ATP2A2: variants seen among roughly 807,000 people sequenced by gnomAD.
The protein encoded by ATP2A2 is sarcoplasmic/endoplasmic reticulum calcium ATPase 2.
Under a neutral mutation model 109.3 loss-of-function variants are expected in ATP2A2, and 14 were observed. The ratio of observed to expected loss-of-function variants is 0.13; its 90% CI spans 0.08 to 0.20. ATP2A2 has a LOEUF of 0.20. ATP2A2 is among the 10% of genes least tolerant of loss of function. ATP2A2 has a pLI of 1.00. For synonymous variants in ATP2A2, 506 were observed against 490.9 expected (o/e 1.03, Z -0.41); for missense variants, 657 against 1,321.6 (o/e 0.50, Z 7.80).
At position 110,332,774 on chromosome 12, in the gene ATP2A2, C is replaced by G. The variant is rs1417893155; in HGVS notation, c.1184+89C>G. The G allele has an allele frequency of 1.5e-5, 18 of 1,188,762 alleles. No individual in the cohort carries two copies. In the South Asian group the frequency reaches 1.8e-4, roughly 12 times the overall value. The allele number at this position is 1,188,762 out of a possible 1,614,324, so 73.6% of individuals were successfully genotyped here. On this transcript the variant is annotated intron_variant, in intron 9 of 19. Coordinates refer to ENST00000539276, the MANE Select transcript of ATP2A2 (RefSeq NM_170665.4). ...CAGCATGTCTACAAAGTTAAGACAG[C>G]TTTCTGAATGTGGCTCAAGTCAACA...
chr12:110,294,451 G>A (rs1873741414), intron 4 of ATP2A2, among the ~76,000 whole-genome samples: 2 of 152,140 alleles, frequency 1.3e-5, no homozygotes, highest in African/African-American at 2.4e-5. Flanking sequence ...GTTAAGGTCA[G>A]GAGGTCGAGA....
chr12:110,344,787 G>C (rs1879684292), intron 16 of ATP2A2, 99 bp from the exon 17 acceptor site: 1 of 1,189,098 alleles, frequency 8.4e-7, no homozygotes, highest in Admixed American at 1.7e-5. Flanking sequence ...ACTGTCCCAT[G>C]TCTTTGATCT....
Position 110,347,546 on chromosome 12 carries a change from G to A in ATP2A2, c.*1076G>A. 7.8e-7 allele frequency: 1 copy of A among 1,287,458 alleles called. No homozygotes were observed. The highest frequency in any genetic ancestry group is 1.0e-6 in the Non-Finnish European group (1 of 987,428). The allele number at this position is 1,287,458 out of a possible 1,614,324, so 79.8% of individuals were successfully genotyped here. On this transcript the variant is annotated 3_prime_UTR_variant, in exon 20 of 20. Coordinates refer to ENST00000539276, the MANE Select transcript of ATP2A2 (RefSeq NM_170665.4). ...TGCAAGTTTCTGCTGGCCTGGTATA[G>A]AGAACATAAGGGCAAGTGTGTATGT...
intron 5 of ATP2A2, among the ~76,000 whole-genome samples, chr12:110,315,003 A>G (rs1876511181): frequency 6.6e-6 from 1 of 151,802 alleles, no homozygotes; most frequent in Non-Finnish European, 1.5e-5. Context: ...AGTAGCTGGG[A>G]CCACAGGCAC....
intron 3 of ATP2A2, among the ~76,000 whole-genome samples, chr12:110,283,108 T>C (rs1419851490): frequency 6.6e-6 from 1 of 152,242 alleles, no homozygotes; most frequent in Non-Finnish European, 1.5e-5. Context: ...CTTTAATGTT[T>C]TGGGTTCTTC....
rs1442705626 is a variant in ATP2A2 at position 110,349,939 on chromosome 12, C to CCAT, written c.*3472_*3474dup. ...GTGCTGCTACTGGCTGCTCACTTCT[C>CCAT]CATCAACCTCACCCTCTGCACCACT... On this transcript the variant is annotated 3_prime_UTR_variant, in exon 20 of 20. Transcript: ENST00000539276. 1.4e-5 allele frequency: 16 copies of CCAT among 1,179,762 alleles called. 1 individual carries two copies. Among genetic ancestry groups the CCAT allele is most frequent in the Non-Finnish European group, 1.4e-5 (13 of 946,008 alleles). The allele number at this position is 1,179,762 out of a possible 1,614,324, so 73.1% of individuals were successfully genotyped here. A position where few individuals can be genotyped will look rare whatever the true frequency, so the allele number is the denominator to read the frequency against.
At chr12:110,303,968 C>T (rs1874969375) in intron 5 of ATP2A2, among the ~76,000 whole-genome samples, 1 of 152,202 alleles carries the variant, frequency 6.6e-6, no homozygotes, top group African/African-American at 2.4e-5. Context: ...AAAACCCATA[C>T]CCATTAGCAG....
At chr12:110,316,997 T>A (rs888209258) in intron 5 of ATP2A2, among the ~76,000 whole-genome samples, 1 of 152,114 alleles carries the variant, frequency 6.6e-6, no homozygotes, top group South Asian at 2.1e-4. Context: ...AGAAACAGAT[T>A]GGGAGCAAAC....
rs1223533620 is a variant in ATP2A2, at chr12:110,334,017, G to C, written c.1293G>C (p.Lys431Asn). The C allele has an allele frequency of 6.2e-7, 1 of 1,614,132 alleles. No individual in the cohort carries two copies. Among genetic ancestry groups the C allele is most frequent in the Non-Finnish European group, 8.5e-7 (1 of 1,180,026 alleles). The change falls in exon 11 of 20, where the codon AAG (lysine) becomes AAC (asparagine). Residue 431 changes from lysine (K) to asparagine (N), a missense_variant. Transcript: ENST00000539276. ...TGTGCCTTTAACCAATACAGGCAAA[G>C]GGTGTGTATGAAAAAGTTGGAGAAG... ...NDSALDYNEAKGVYEKVGEAT... is the reference protein window; with the variant it reads ...NDSALDYNEANGVYEKVGEAT...
Position 110,347,185 on chromosome 12 carries a change from TCA to T in ATP2A2, c.*718_*719del. On this transcript the variant is annotated 3_prime_UTR_variant, in exon 20 of 20. Coordinates refer to ENST00000539276, the MANE Select transcript of ATP2A2 (RefSeq NM_170665.4). ...TTCAATCGACTGGGTTTATGTCCCT[TCA>T]CATAGTTTTTAAGGTTATTTATTTA... 3.4e-6 allele frequency: 4 copies of T among 1,192,274 alleles called. No homozygotes were observed. Among genetic ancestry groups the T allele is most frequent in the Non-Finnish European group, 4.2e-6 (4 of 944,638 alleles). 73.9% of individuals were successfully genotyped at this position (1,192,274 alleles called of 1,614,324 possible).
chr12:110,334,337 C>T, intron 11 of ATP2A2, 194 bp downstream of exon 11: 1 of 739,056 alleles, frequency 1.4e-6, no homozygotes, highest in Non-Finnish European at 2.2e-6. Flanking sequence ...TAAAAGCAAT[C>T]AATAGCTAAT....
chr12:110,347,255 C>CA lies in ATP2A2; in HGVS notation c.*786dup, dbSNP rs1371122686. ...ATTGTAACAGACATTGTTTTGCCAA[C>CA]ATTGCCTATTTCAGTGGCACGTCAT... On this transcript the variant is annotated 3_prime_UTR_variant, in exon 20 of 20. Coordinates refer to ENST00000539276, the MANE Select transcript of ATP2A2 (RefSeq NM_170665.4). The CA allele has an allele frequency of 2.1e-5, 26 of 1,227,876 alleles. No homozygotes were observed. The highest frequency in any genetic ancestry group is 3.1e-5 in the African/African-American group (2 of 63,712). 76.1% of individuals were successfully genotyped at this position (1,227,876 alleles called of 1,614,324 possible). A position where few individuals can be genotyped will look rare whatever the true frequency, so the allele number is the denominator to read the frequency against.
chr12:110,311,648 AGC>A (rs1390137359), intron 5 of ATP2A2, among the ~76,000 whole-genome samples: 2 of 145,924 alleles, frequency 1.4e-5, no homozygotes, highest in East Asian at 4.0e-4. Context: ...TGTGAGCTAT[AGC>A]GTCCAGCTAA....
In ATP2A2 at chr12:110,348,803, A is replaced by C. The variant is rs1880127283; in HGVS notation, c.*2333A>C. On this transcript the variant is annotated 3_prime_UTR_variant, in exon 20 of 20. Coordinates refer to ENST00000539276, the MANE Select transcript of ATP2A2 (RefSeq NM_170665.4). The stretch of plus-strand genomic sequence containing the variant: ...TTGCCCAGCAGGGAACATTTGGGGC[A>C]GGGGGTAAATTTTGCCAGTTTGAGC... 11 of 985,526 alleles carry C rather than the reference A, an allele frequency of 1.1e-5. No homozygotes were observed. The highest frequency in any genetic ancestry group is 1.1e-5 in the Non-Finnish European group (9 of 830,018). 61.0% of individuals were successfully genotyped at this position (985,526 alleles called of 1,614,324 possible).
chr12:110,317,333 A>T (rs1003641313), intron 5 of ATP2A2, among the ~76,000 whole-genome samples: 2 of 152,224 alleles, frequency 1.3e-5, no homozygotes, highest in Non-Finnish European at 2.9e-5. Context: ...TGTTTGCCAC[A>T]ATAAATTAGG....
Position 110,346,640 on chromosome 12 carries a change from C to A in ATP2A2, c.*170C>A. ...TCTGACTCCAGTGGGGCAAGATTTT[C>A]CTTTTTTATACACATAATTAAAGTG... On this transcript the variant is annotated 3_prime_UTR_variant, in exon 20 of 20. Coordinates refer to ENST00000539276, the MANE Select transcript of ATP2A2 (RefSeq NM_170665.4). 6.8e-7 allele frequency: 1 copy of A among 1,467,844 alleles called. No individual in the cohort carries two copies. Among genetic ancestry groups the A allele is most frequent in the South Asian group, 1.4e-5 (1 of 69,316 alleles). 90.9% of individuals were successfully genotyped at this position (1,467,844 alleles called of 1,614,324 possible).
chr12:110,291,626 T>G (rs187002641), intron 3 of ATP2A2, among the ~76,000 whole-genome samples: 355 of 150,250 alleles, frequency 2.4e-3, no homozygotes, highest in Admixed American at 4.7e-3. Flanking sequence ...TCATAATCCC[T>G]TTAGTGCTAG....
chr12:110,302,983 C>T (rs1343246601), intron 5 of ATP2A2, among the ~76,000 whole-genome samples: 1 of 152,172 alleles, frequency 6.6e-6, no homozygotes, highest in Non-Finnish European at 1.5e-5. Context: ...ACCTTTTTAA[C>T]TGAGTAATGC....
At position 110,347,640 on chromosome 12, in the gene ATP2A2, A is replaced by G. The variant is rs1880005952; in HGVS notation, c.*1170A>G. On this transcript the variant is annotated 3_prime_UTR_variant, in exon 20 of 20. Transcript: ENST00000539276. The stretch of plus-strand genomic sequence containing the variant: ...CCAAATGAACATATTGTATAGAACT[A>G]TTTTTATTTGAATGTGGCACTAACC... The G allele has an allele frequency of 5.1e-6, 6 of 1,179,840 alleles. No individual in the cohort carries two copies. In the Admixed American group the frequency reaches 1.1e-4, roughly 21 times the overall value. 73.1% of individuals were successfully genotyped at this position (1,179,840 alleles called of 1,614,324 possible).
Sources: allele counts gnomAD v4.1 joint callset (sites outside exome capture counted in the v4.1 genomes callset), GRCh38; gene constraint gnomAD v4.1.1; transcripts MANE v1.5; gene names NCBI Gene and HGNC (gene_info 2026-07-23, HGNC 2026-07-21).